CCNI: variants seen among roughly 807,000 people sequenced by gnomAD.
CCNI encodes cyclin I, also known as cyclin-I.
CCNI carries 14 observed loss-of-function variants against 34.1 expected under a neutral mutation model. The ratio of observed to expected loss-of-function variants is 0.41; its 90% CI spans 0.27 to 0.64. The LOEUF is 0.64. CCNI is among the 30% of genes least tolerant of loss of function. The pLI, the probability that CCNI is intolerant of heterozygous loss-of-function variation, is 0.31. For missense variants in CCNI, 385 were observed against 440.5 expected (o/e 0.87, Z 1.13); for synonymous variants, 154 against 158.4 (o/e 0.97, Z 0.21).
intron 2 of CCNI, among the ~76,000 whole-genome samples, chr4:77,060,641 T>G (rs1193058127): frequency 3.3e-5 from 5 of 151,150 alleles, no homozygotes; most frequent in African/African-American, 7.3e-5. Flanking sequence ...TTTTTTTTTT[T>G]GAGATGGAGT....
chr4:77,072,220 G>GC (rs2109851867), intron 1 of CCNI, among the ~76,000 whole-genome samples: 1 of 151,936 alleles, frequency 6.6e-6, no homozygotes, highest in African/African-American at 2.4e-5. Context: ...AGAAATCAAC[G>GC]CAATACATTA....
chr4:77,049,971 C>G (rs1215276785), intron 6 of CCNI, among the ~76,000 whole-genome samples: 1 of 152,100 alleles, frequency 6.6e-6, no homozygotes. Context: ...CAGCGGCACC[C>G]CAATGCCTAC....
intron 1 of CCNI, among the ~76,000 whole-genome samples, chr4:77,067,520 G>A (rs1371357872): frequency 2.0e-5 from 3 of 152,030 alleles, no homozygotes; most frequent in African/African-American, 7.2e-5. Flanking sequence ...GGAAACAAGA[G>A]TCCCACTCTG....
At chr4:77,061,647 A>AGGG (rs1728612464) in intron 2 of CCNI, among the ~76,000 whole-genome samples, 1 of 152,042 alleles carries the variant, frequency 6.6e-6, no homozygotes, top group Admixed American at 6.6e-5. Flanking sequence ...CAAATCTATG[A>AGGG]CCTACCTCTT....
chr4:77,049,781 G>A (rs1194960600), intron 6 of CCNI, among the ~76,000 whole-genome samples: 2 of 151,600 alleles, frequency 1.3e-5, no homozygotes, highest in Non-Finnish European at 2.9e-5. Context: ...TAGACTACAA[G>A]ACCAAAGGTG....
At chr4:77,073,249 C>T (rs758907303) in intron 1 of CCNI, among the ~76,000 whole-genome samples, 1 of 152,178 alleles carries the variant, frequency 6.6e-6, no homozygotes, top group East Asian at 1.9e-4. Flanking sequence ...GCTGCCGCTT[C>T]TCCTTTCTCC....
At chr4:77,072,638 T>TAAAAAAAAAAAAAAAAAAAAA (rs61247567) in intron 1 of CCNI, among the ~76,000 whole-genome samples, 1 of 101,386 alleles carries the variant, frequency 9.9e-6, no homozygotes, top group African/African-American at 4.1e-5. Context: ...CCCAATCTCT[T>TAAAAAAAAAAAAAAAAAAAAA]AAAAAAAAAA....
chr4:77,049,577 C>T (rs1727696600), intron 6 of CCNI, among the ~76,000 whole-genome samples: 1 of 151,680 alleles, frequency 6.6e-6, no homozygotes, highest in African/African-American at 2.4e-5. Context: ...ACTCAGGAGG[C>T]TGAGGCATGA....
At chr4:77,050,862 CTG>C (rs1727775493) in intron 6 of CCNI, among the ~76,000 whole-genome samples, 1 of 150,428 alleles carries the variant, frequency 6.6e-6, no homozygotes, top group African/African-American at 2.4e-5. Flanking sequence ...ATGAAAGAAA[CTG>C]GGAGTAAAAA....
chr4:77,055,511 G>A (rs1187794277), intron 5 of CCNI, 131 bp from the exon 6 acceptor site: 2 of 644,958 alleles, frequency 3.1e-6, no homozygotes, highest in Non-Finnish European at 5.3e-6. Flanking sequence ...TGCCCAGGCT[G>A]GAGTGCAGTA....
At chr4:77,054,227 TATA>T (rs1728056555) in intron 6 of CCNI, among the ~76,000 whole-genome samples, 1 of 152,254 alleles carries the variant, frequency 6.6e-6, no homozygotes, top group Non-Finnish European at 1.5e-5. Context: ...GTTTTTCTTT[TATA>T]ATAATCTAAA....
intron 1 of CCNI, among the ~76,000 whole-genome samples, chr4:77,074,287 AG>A (rs1729727298): frequency 6.6e-6 from 1 of 152,184 alleles, no homozygotes; most frequent in African/African-American, 2.4e-5. Context: ...ATCGGTATCA[AG>A]AAATTTCTAG....
intron 3 of CCNI, among the ~76,000 whole-genome samples, chr4:77,056,653 G>C (rs886953420): frequency 6.9e-6 from 1 of 145,320 alleles, no homozygotes; most frequent in Non-Finnish European, 1.5e-5. Context: ...GCAGTGGCAC[G>C]ATGTCAGCTC....
chr4:77,068,852 T>G (rs1412936387), intron 1 of CCNI, among the ~76,000 whole-genome samples: 1 of 152,198 alleles, frequency 6.6e-6, no homozygotes, highest in African/African-American at 2.4e-5. Context: ...ACTCCACATA[T>G]GCTACCTATT....
intron 6 of CCNI, among the ~76,000 whole-genome samples, chr4:77,050,423 C>T (rs1727747886): frequency 6.6e-6 from 1 of 152,086 alleles, no homozygotes; most frequent in African/African-American, 2.4e-5. Context: ...TTATTTTTAT[C>T]TCTAAATACA....
At chr4:77,069,217 C>T (rs988402551) in intron 1 of CCNI, among the ~76,000 whole-genome samples, 4 of 152,116 alleles carry the variant, frequency 2.6e-5, no homozygotes, top group African/African-American at 4.8e-5. Context: ...AGGAGTTCGA[C>T]GCCAGCCTGG....
rs375399960 is a variant in CCNI, at chr4:77,058,533, A to G, written c.217T>C (p.Leu73=). The change falls in exon 3 of 7, where the codon TTG becomes CTG. Residue 73 remains leucine, a synonymous_variant. Transcript: ENST00000237654. ...PETFALASSL[L]DRFLATVKAH... is the part of the protein sequence containing the mutation. ...TTTACGGTAGCTAAAAACCTATCCA[A>G]AAGACTGCTAGCCAGAGCAAATGTT... is the stretch of plus-strand genomic sequence containing the variant. The G allele has an allele frequency of 3.7e-6, 6 of 1,613,274 alleles. No individual in the cohort carries two copies. The African/African-American group carries it at 6.7e-5, about 18-fold the overall frequency.
At chr4:77,062,832 G>C (rs1417632372) in intron 2 of CCNI, among the ~76,000 whole-genome samples, 1 of 152,128 alleles carries the variant, frequency 6.6e-6, no homozygotes, top group African/African-American at 2.4e-5. Flanking sequence ...CCAAATTCAT[G>C]TAACAAAATT....
At chr4:77,072,934 A>C (rs969907660) in intron 1 of CCNI, among the ~76,000 whole-genome samples, 3 of 152,260 alleles carry the variant, frequency 2.0e-5, no homozygotes, top group East Asian at 1.9e-4. Context: ...ACATACTATG[A>C]TACAGAAAGC....
Sources: gnomAD v4.1 joint callset for allele counts (sites outside exome capture counted in the v4.1 genomes callset) on GRCh38, gnomAD v4.1.1 for gene constraint, MANE v1.5 for transcripts, NCBI Gene and HGNC (gene_info 2026-07-23, HGNC 2026-07-21) for gene names.